The following ECT2L variants were observed in gnomAD, a reference collection of about 807,000 sequenced individuals.
ECT2L encodes epithelial cell-transforming sequence 2 oncogene-like.
A neutral mutation model predicts 122.8 loss-of-function variants in ECT2L; 126 were observed. The observed-to-expected ratio is 1.03, with a 90% CI of 0.89 to 1.19. ECT2L has a LOEUF of 1.19. ECT2L is among the 50% of genes most tolerant of loss of function. ECT2L has a pLI of 0.00. For synonymous variants in ECT2L, 385 were observed against 381.8 expected (o/e 1.01, Z -0.10); for missense variants, 1,012 against 1,064.1 (o/e 0.95, Z 0.68).
At chr6:138,892,471 CTGTG>C (rs1007336226) in intron 20 of ECT2L, among the ~76,000 whole-genome samples, 10 of 152,082 alleles carry the variant, frequency 6.6e-5, no homozygotes, top group Admixed American at 5.9e-4. Flanking sequence ...TCTCTTCAGT[CTGTG>C]TATTTTGCCT....
chr6:138,866,721 A>G (rs946893130), intron 12 of ECT2L, among the ~76,000 whole-genome samples: 1 of 152,220 alleles, frequency 6.6e-6, no homozygotes, highest in African/African-American at 2.4e-5. Context: ...TATTTTAAAA[A>G]TTAAAAGATG....
At chr6:138,807,913 C>T (rs1015487269) in intron 1 of ECT2L, among the ~76,000 whole-genome samples, 2 of 151,998 alleles carry the variant, frequency 1.3e-5, no homozygotes, top group African/African-American at 2.4e-5. Flanking sequence ...CTGTTATTTA[C>T]ACTAGCTTTA....
intron 1 of ECT2L, among the ~76,000 whole-genome samples, chr6:138,810,105 C>T (rs988856084): frequency 1.1e-4 from 16 of 152,160 alleles, no homozygotes; most frequent in South Asian, 2.1e-4. Flanking sequence ...CTACAGGCCA[C>T]GTTTGCCAAA....
Position 138,844,466 on chromosome 6 carries a change from T to G in ECT2L, c.650T>G (p.Val217Gly). 1 of 1,614,170 alleles carries G rather than the reference T, an allele frequency of 6.2e-7. No individual in the cohort carries two copies. Among genetic ancestry groups the G allele is most frequent in the Non-Finnish European group, 8.5e-7 (1 of 1,180,024 alleles). ...PWVSGTCCSSVLKPRCQPRLS... is the reference protein window; with the variant it reads ...PWVSGTCCSSGLKPRCQPRLS... ...GTGAGTGGAACTTGCTGCTCTAGCG[T>G]GCTAAAGCCCAGATGCCAACCACGC... The change falls in exon 7 of 22, where the codon GTG (valine) becomes GGG (glycine). Residue 217 changes from valine to glycine, a missense_variant. Transcript: ENST00000541398.
At chr6:138,850,404 C>G (rs550215571) in intron 9 of ECT2L, among the ~76,000 whole-genome samples, 41 of 152,280 alleles carry the variant, frequency 2.7e-4, no homozygotes, top group Non-Finnish European at 5.9e-4. Flanking sequence ...CTCGGCCTCC[C>G]AAAGTGCTGG....
intron 20 of ECT2L, among the ~76,000 whole-genome samples, chr6:138,897,084 A>C (rs1209234322): frequency 6.6e-6 from 1 of 152,242 alleles, no homozygotes; most frequent in African/African-American, 2.4e-5. Context: ...AATGTACATT[A>C]TAGTAGCTGT....
In ECT2L at chr6:138,853,885, G is replaced by A. The variant is rs1777529947; in HGVS notation, c.1070-141G>A. On this transcript the variant is annotated intron_variant, in intron 9 of 21. Transcript: ENST00000541398. ...GAGATGGCTCCAACATGGTACGGGAGGAAGCAGAGATGCCTCAGGTGTCTT... is the reference window on the plus strand; with the variant it reads ...GAGATGGCTCCAACATGGTACGGGAAGAAGCAGAGATGCCTCAGGTGTCTT... 7.9e-6 allele frequency: 7 copies of A among 882,456 alleles called. 1 individual carries two copies. The South Asian group carries it at 9.5e-5, about 12-fold the overall frequency. 54.7% of individuals were successfully genotyped at this position (882,456 alleles called of 1,614,324 possible).
intron 8 of ECT2L, 106 bp downstream of exon 8, chr6:138,846,783 T>C (rs1262460330): frequency 3.8e-5 from 47 of 1,244,236 alleles, no homozygotes; most frequent in East Asian, 2.4e-4. Flanking sequence ...ACCATGTGTA[T>C]GAAAAATGAT....
intron 6 of ECT2L, among the ~76,000 whole-genome samples, chr6:138,843,916 C>T (rs1365767875): frequency 6.6e-6 from 1 of 152,162 alleles, no homozygotes; most frequent in Non-Finnish European, 1.5e-5. Flanking sequence ...TCCCGAATTC[C>T]TGGGCTCAAG....
chr6:138,869,594 T>C (rs1778174171), intron 13 of ECT2L, among the ~76,000 whole-genome samples: 1 of 152,234 alleles, frequency 6.6e-6, no homozygotes. Flanking sequence ...GCAGGGATAT[T>C]CACAGAGGTG....
At chr6:138,859,376 T>C (rs1436033293) in intron 10 of ECT2L, among the ~76,000 whole-genome samples, 1 of 152,366 alleles carries the variant, frequency 6.6e-6, no homozygotes, top group East Asian at 1.9e-4. Flanking sequence ...ACTTATGCTT[T>C]CATTTCTCTT....
rs1776008596 is a variant in ECT2L, at chr6:138,814,596, C to T, written c.172C>T (p.Gln58Ter). The T allele has an allele frequency of 6.3e-7, 1 of 1,592,502 alleles. No individual in the cohort carries two copies. The highest frequency in any genetic ancestry group is 8.6e-7 in the Non-Finnish European group (1 of 1,161,830). ...FAIFLRCTKS[Q>*]LRFVQDWFSE... ...AATTTTTTTAAGATGCACTAAATCA[C>T]AATTAAGGTAAATGTAGCCTAATGA... Residue 58 changes from glutamine to a stop codon, truncating the protein, a stop_gained, in exon 4 of 22, where the codon CAA becomes TAA. Transcript: ENST00000541398. LOFTEE classifies it high-confidence loss of function.
intron 20 of ECT2L, among the ~76,000 whole-genome samples, chr6:138,893,189 T>G (rs1432563631): frequency 4.7e-5 from 7 of 150,260 alleles, no homozygotes; most frequent in African/African-American, 1.7e-4. Context: ...TTTTTTGTTT[T>G]TTTTTGTTTT....
intron 4 of ECT2L, chr6:138,822,703 G>C (rs573448841): frequency 2.6e-5 from 40 of 1,537,966 alleles, no homozygotes; most frequent in Non-Finnish European, 3.4e-5. Context: ...CGTGAGCGAC[G>C]CAGAAGACGG....
intron 16 of ECT2L, 87 bp from the exon 17 acceptor site, chr6:138,885,419 G>GCATT: frequency 7.5e-7 from 1 of 1,327,034 alleles, no homozygotes; most frequent in Non-Finnish European, 1.1e-6. Flanking sequence ...TTTGCTTCAG[G>GCATT]CATTCCATAG....
chr6:138,827,698 A>C (rs765333493), intron 4 of ECT2L, among the ~76,000 whole-genome samples: 1 of 152,136 alleles, frequency 6.6e-6, no homozygotes, highest in Non-Finnish European at 1.5e-5. Context: ...AGCTGGGATT[A>C]CAGGTGCATG....
intron 4 of ECT2L, among the ~76,000 whole-genome samples, chr6:138,819,056 G>A (rs1776169732): frequency 6.6e-6 from 1 of 152,062 alleles, no homozygotes; most frequent in East Asian, 1.9e-4. Context: ...TATCTAAAAC[G>A]ACTGTTTTCT....
intron 3 of ECT2L, 30 bp downstream of exon 3, chr6:138,813,370 T>C: frequency 6.5e-7 from 1 of 1,540,388 alleles, no homozygotes; most frequent in Non-Finnish European, 8.8e-7. Context: ...ACAGAACAAG[T>C]TTAATTCGTA....
intron 19 of ECT2L, among the ~76,000 whole-genome samples, chr6:138,888,379 C>T (rs1778902638): frequency 6.8e-6 from 1 of 147,812 alleles, no homozygotes; most frequent in African/African-American, 2.5e-5. Context: ...TGCAGTGGCA[C>T]GATCTCGGCT....
Sources: gnomAD v4.1 joint callset for allele counts (sites outside exome capture counted in the v4.1 genomes callset) on GRCh38, gnomAD v4.1.1 for gene constraint, MANE v1.5 for transcripts, NCBI Gene and HGNC (gene_info 2026-07-23, HGNC 2026-07-21) for gene names.